The following MAP3K13 variants were observed in gnomAD, a reference collection of about 807,000 sequenced individuals.
MAP3K13 encodes mitogen-activated protein kinase kinase kinase 13, also known as leucine zipper-bearing kinase.
MAP3K13 carries 52 observed loss-of-function variants against 104.0 expected under a neutral mutation model. That is an observed-to-expected ratio of 0.50 (90% CI 0.40 to 0.63). The LOEUF is 0.63. Among genes scored for constraint, MAP3K13 ranks in the 20% least tolerant of loss-of-function variants. The pLI is 0.00. For synonymous variants in MAP3K13, 394 were observed against 442.2 expected, an observed-to-expected ratio of 0.89 and a Z score of 1.37; for missense variants, 914 against 1,218.5, an observed-to-expected ratio of 0.75 and a Z score of 3.72.
Position 185,486,904 on chromosome 3 carries a change from G to A in MAP3K13, c.*4448G>A, listed in dbSNP as rs1303153313. On this transcript the variant is annotated 3_prime_UTR_variant, in exon 14 of 14. Coordinates refer to ENST00000265026, the MANE Select transcript of MAP3K13 (RefSeq NM_004721.5). ...GTTTAGACCTGTTTGCAAGATGGTG[G>A]GGAGCTCCTACTGAGAAAGATGAAG... The A allele has an allele frequency of 6.6e-6, 1 of 152,146 alleles. No individual in the cohort carries two copies. Among genetic ancestry groups the A allele is most frequent in the African/African-American group, 2.4e-5 (1 of 41,418 alleles). 9.4% of individuals were successfully genotyped at this position (152,146 alleles called of 1,614,324 possible). A position where few individuals can be genotyped will look rare whatever the true frequency, so the allele number is the denominator to read the frequency against.
At chr3:185,297,226 G>A (rs1026048217) in intron 2 of MAP3K13, among the ~76,000 whole-genome samples, 10 of 152,170 alleles carry the variant, frequency 6.6e-5, no homozygotes, top group Non-Finnish European at 1.2e-4. Flanking sequence ...TGCTACATTT[G>A]AGAGATGGTA....
intron 1 of MAP3K13, among the ~76,000 whole-genome samples, chr3:185,425,916 T>C (rs1191980633): frequency 6.6e-6 from 1 of 152,192 alleles, no homozygotes; most frequent in East Asian, 1.9e-4. Flanking sequence ...ATGTGGCCGT[T>C]ATCTATCGGT....
intron 2 of MAP3K13, among the ~76,000 whole-genome samples, chr3:185,323,131 G>A (rs6444051): frequency 0.011 from 1,716 of 152,224 alleles, 35 homozygotes; most frequent in African/African-American, 0.039. Flanking sequence ...AGTACAGAAA[G>A]TTCCTGTAGA....
intron 2 of MAP3K13, among the ~76,000 whole-genome samples, chr3:185,346,887 T>C (rs796693041): frequency 2.6e-5 from 4 of 152,146 alleles, no homozygotes; most frequent in African/African-American, 9.7e-5. Context: ...TTAGTATGCT[T>C]ATCTATCTAC....
At chr3:185,385,388 G>C (rs564754126) in intron 1 of MAP3K13, among the ~76,000 whole-genome samples, 4 of 152,238 alleles carry the variant, frequency 2.6e-5, no homozygotes, top group African/African-American at 9.6e-5. Context: ...GGCCAGGCTG[G>C]TCTCGAACTC....
chr3:185,385,703 A>G (rs1711646870), intron 1 of MAP3K13, among the ~76,000 whole-genome samples: 3 of 152,164 alleles, frequency 2.0e-5, no homozygotes, highest in Admixed American at 6.5e-5. Flanking sequence ...CCAACAAAAC[A>G]TCAAAAAGTT....
chr3:185,361,389 T>C (rs1035149550), upstream of MAP3K13, among the ~76,000 whole-genome samples: 14 of 149,890 alleles, frequency 9.3e-5, no homozygotes, highest in Non-Finnish European at 1.5e-4. Context: ...CATTTGTTCG[T>C]TTTTTGTTTT....
chr3:185,404,851 G>A (rs1423104066), intron 1 of MAP3K13, among the ~76,000 whole-genome samples: 1 of 152,078 alleles, frequency 6.6e-6, no homozygotes, highest in African/African-American at 2.4e-5. Context: ...CAAAGTGTTG[G>A]GATTACAGGC....
intron 2 of MAP3K13, among the ~76,000 whole-genome samples, chr3:185,305,211 T>G (rs573869110): frequency 6.6e-6 from 1 of 152,330 alleles, no homozygotes; most frequent in East Asian, 1.9e-4. Flanking sequence ...GCTTGCCTTT[T>G]TGTTCTGTTG....
rs1392590103 is a variant in MAP3K13, at chr3:185,473,522, C to G, written c.2191C>G (p.Pro731Ala). The G allele has an allele frequency of 6.2e-7, 1 of 1,614,092 alleles. No individual in the cohort carries two copies. Among genetic ancestry groups the G allele is most frequent in the African/African-American group, 1.3e-5 (1 of 74,938 alleles). ...WGCCQADAYD[P>A]CLQCRPEQYG... ...CTGTTGCCAGGCTGACGCTTATGAC[C>G]CCTGCCTTCAGTGCAGGCCAGAACA... The change falls in exon 11 of 14, where the codon CCC (proline) becomes GCC (alanine). Residue 731 changes from proline to alanine, a missense_variant. Physicochemically the swap from Pro to Ala is conservative, Grantham distance 27 (BLOSUM62 -1). Transcript: ENST00000265026. The surrounding 1 kb of genome is among the most constrained non-coding windows in gnomAD (Gnocchi z 4.9).
rs376711719 is a variant in MAP3K13, at chr3:185,450,070, G to A, written c.1169+12G>A. On this transcript the variant is annotated intron_variant, in intron 6 of 13. Transcript: ENST00000265026. The surrounding 1 kb of genome is among the most constrained non-coding windows in gnomAD (Gnocchi z 4.2). ...ATGAAACAGACGTGGTAAGAATATT[G>A]TCTCTAAAACAATAGGGAGGTCTCT... is the stretch of plus-strand genomic sequence containing the variant. 2.6e-5 allele frequency: 42 copies of A among 1,600,830 alleles called. No individual in the cohort carries two copies. The highest frequency in any genetic ancestry group is 3.6e-5 in the Non-Finnish European group (42 of 1,174,640).
At chr3:185,309,259 T>A (rs770631841) in intron 2 of MAP3K13, among the ~76,000 whole-genome samples, 9 of 152,076 alleles carry the variant, frequency 5.9e-5, no homozygotes, top group Non-Finnish European at 1.0e-4. Flanking sequence ...TCCCAGCACT[T>A]TGGGAGGCCA....
intron 1 of MAP3K13, among the ~76,000 whole-genome samples, chr3:185,403,665 G>C (rs976487330): frequency 6.6e-6 from 1 of 152,064 alleles, no homozygotes; most frequent in Non-Finnish European, 1.5e-5. Flanking sequence ...TTATACCTCA[G>C]TAAAGCTGGA....
Position 185,480,330 on chromosome 3 carries a change from C to G in MAP3K13, c.2600C>G (p.Ser867Ter). 6.2e-7 allele frequency: 1 copy of G among 1,614,228 alleles called. No individual in the cohort carries two copies. Among genetic ancestry groups the G allele is most frequent in the Non-Finnish European group, 8.5e-7 (1 of 1,180,052 alleles). ...DGEEGNTSDH[S>*]NSPDELADKL... ...GAAGAGGGAAATACCAGTGACCACT[C>G]AAACAGTCCTGATGAGTTAGCTGAT... Residue 867 changes from serine to a stop codon, truncating the protein, a stop_gained, in exon 13 of 14, where the codon TCA (serine) becomes TGA (stop). Coordinates refer to ENST00000265026, the MANE Select transcript of MAP3K13 (RefSeq NM_004721.5). LOFTEE classifies it high-confidence loss of function.
chr3:185,283,536 T>C (rs1720387524), intron 1 of MAP3K13, among the ~76,000 whole-genome samples: 1 of 152,200 alleles, frequency 6.6e-6, no homozygotes, highest in Non-Finnish European at 1.5e-5. Flanking sequence ...CGGCAGAACC[T>C]CTCCCAAATT....
intron 13 of MAP3K13, 104 bp downstream of exon 13, chr3:185,480,633 A>C: frequency 8.3e-7 from 1 of 1,199,956 alleles, no homozygotes; most frequent in Non-Finnish European, 1.1e-6. Context: ...AAGATACAAC[A>C]GTGGCCTTGT....
rs1377557694 is a variant in MAP3K13, at chr3:185,396,036, T to TAAAAA, written c.-85-32461_-85-32460insAAAAA. Among the ~76,000 whole-genome samples, 217 of 152,264 alleles carry TAAAAA rather than the reference T, an allele frequency of 1.4e-3. 3 individuals carry two copies. The East Asian group carries it at 0.031, about 22-fold the overall frequency. On this transcript the variant is annotated intron_variant, in intron 1 of 13. Transcript: ENST00000265026. ...TGAGATTATTACTGGTTTCCTTTTT[T>TAAAAA]GGCCATTTTCTGAGTATATACAAAT... is the stretch of plus-strand genomic sequence containing the variant.
intron 3 of MAP3K13, among the ~76,000 whole-genome samples, chr3:185,438,388 T>C (rs1229958798): frequency 3.3e-5 from 5 of 152,170 alleles, no homozygotes; most frequent in African/African-American, 1.2e-4. Flanking sequence ...AGTAGATACA[T>C]ATTTTGTATT....
At chr3:185,323,560 C>T (rs1006107054) in intron 2 of MAP3K13, among the ~76,000 whole-genome samples, 5 of 151,464 alleles carry the variant, frequency 3.3e-5, no homozygotes, top group African/African-American at 4.9e-5. Flanking sequence ...CTCGAACTCC[C>T]GACCTCAGGT....
Sources: gnomAD v4.1 joint callset for allele counts (sites outside exome capture counted in the v4.1 genomes callset) on GRCh38, gnomAD v4.1.1 for gene constraint, Gnocchi (gnomAD v3.1) non-coding constraint, MANE v1.5 for transcripts, NCBI Gene and HGNC (gene_info 2026-07-23, HGNC 2026-07-21) for gene names.